The following ADGRL3 variants were observed in gnomAD, a reference collection of about 807,000 sequenced individuals.
ADGRL3 encodes adhesion G protein-coupled receptor L3.
A neutral mutation model predicts 153.5 loss-of-function variants in ADGRL3; 62 were observed. That is an observed-to-expected ratio of 0.40 (90% confidence interval 0.33 to 0.50). The LOEUF (loss-of-function observed/expected upper bound fraction) is 0.50. ADGRL3 is among the 20% of genes least tolerant of loss of function. The pLI is 0.47. For synonymous variants in ADGRL3, 710 were observed against 672.5 expected, an observed-to-expected ratio of 1.06 and a Z score of -0.86; for missense variants, 1,641 against 1,859.4, an observed-to-expected ratio of 0.88 and a Z score of 2.16.
rs1200447216 is a variant in ADGRL3 at position 61,847,613 on chromosome 4, A to G, written c.1480+33724A>G. Among the ~76,000 whole-genome samples, 7 of 46,480 alleles carry G rather than the reference A, an allele frequency of 1.5e-4. 1 individual carries two copies. The East Asian group carries it at 3.4e-3, about 23-fold the overall frequency. 30.5% of individuals were successfully genotyped at this position (46,480 alleles called of 152,430 possible). A position where few individuals can be genotyped will look rare whatever the true frequency, so the allele number is the denominator to read the frequency against. Reference sequence around the variant, plus strand: ...ATATATATATAATATATAATATATTATATATATAATATAAAATATATTATA... The same window carrying G: ...ATATATATATAATATATAATATATTGTATATATAATATAAAATATATTATA... On this transcript the variant is annotated intron_variant, in intron 9 of 26. Transcript: ENST00000683033.
intron 4 of ADGRL3, among the ~76,000 whole-genome samples, chr4:61,541,815 A>G (rs1384673492): frequency 6.9e-6 from 1 of 145,478 alleles, no homozygotes; most frequent in Non-Finnish European, 1.5e-5. Context: ...GAATTTTTTG[A>G]GCCTTAGATA....
At chr4:61,533,981 GTTGCAT>G (rs1222531974) in intron 4 of ADGRL3, among the ~76,000 whole-genome samples, 2 of 152,030 alleles carry the variant, frequency 1.3e-5, no homozygotes, top group African/African-American at 4.8e-5. Context: ...TTTTGATTTT[GTTGCAT>G]TTGCTTTTGA....
At chr4:61,988,502 A>C (rs1234932397) in intron 19 of ADGRL3, among the ~76,000 whole-genome samples, 3 of 152,164 alleles carry the variant, frequency 2.0e-5, no homozygotes, top group African/African-American at 7.2e-5. Context: ...AATTATAGCA[A>C]AGGCTGTCAT....
intron 2 of ADGRL3, among the ~76,000 whole-genome samples, chr4:61,432,571 TTC>T (rs142135862): frequency 0.48 from 7,757 of 16,128 alleles, 2,223 homozygotes; most frequent in Middle Eastern, 0.75. Context: ...TTTCTTTCTC[TTC>T]CTTTCTTTCT....
intron 9 of ADGRL3, among the ~76,000 whole-genome samples, chr4:61,819,707 A>G (rs1561303075): frequency 6.6e-6 from 1 of 152,116 alleles, no homozygotes; most frequent in Non-Finnish European, 1.5e-5. Context: ...TCAATCTAAC[A>G]ATGTGAACTC....
chr4:61,781,358 GA>G (rs1243107898), intron 8 of ADGRL3, among the ~76,000 whole-genome samples: 75 of 140,288 alleles, frequency 5.3e-4, no homozygotes, highest in African/African-American at 2.2e-3. Flanking sequence ...GAAAAGAAAA[GA>G]AAAAGAAAAA....
intron 7 of ADGRL3, among the ~76,000 whole-genome samples, chr4:61,731,629 C>A (rs1177742968): frequency 6.6e-6 from 1 of 152,092 alleles, no homozygotes; most frequent in Non-Finnish European, 1.5e-5. Context: ...TTTGCTCACC[C>A]TTCCCACTTC....
Position 61,278,648 on chromosome 4 carries a change from C to T in ADGRL3, c.-240+76883C>T, listed in dbSNP as rs147391523. Among the ~76,000 whole-genome samples, 1,419 of 152,136 alleles carry T rather than the reference C, an allele frequency of 9.3e-3. 12 individuals are homozygous for T. Among genetic ancestry groups the T allele is most frequent in the Non-Finnish European group, 0.014 (968 of 68,016 alleles). On this transcript the variant is annotated intron_variant, in intron 1 of 26. Coordinates refer to ENST00000683033, the MANE Select transcript of ADGRL3 (RefSeq NM_001387552.1). ...CCTCCTGAGTAGCTGGGACTACAGGCATGCACCATCATGCCCACTAATTTT... is the reference window on the plus strand; with the variant it reads ...CCTCCTGAGTAGCTGGGACTACAGGTATGCACCATCATGCCCACTAATTTT...
At chr4:61,373,022 T>A (rs936240611) in intron 1 of ADGRL3, among the ~76,000 whole-genome samples, 17 of 152,264 alleles carry the variant, frequency 1.1e-4, no homozygotes, top group African/African-American at 3.9e-4. Context: ...TTTCTTTGAT[T>A]AGGAAAGGGA....
At chr4:61,789,919 A>C (rs1475844727) in intron 8 of ADGRL3, among the ~76,000 whole-genome samples, 3 of 152,226 alleles carry the variant, frequency 2.0e-5, no homozygotes, top group African/African-American at 7.2e-5. Flanking sequence ...CCTGTTATTA[A>C]AAATAGAATA....
At chr4:61,366,829 A>C (rs2096406975) in intron 1 of ADGRL3, among the ~76,000 whole-genome samples, 1 of 152,134 alleles carries the variant, frequency 6.6e-6, no homozygotes, top group African/African-American at 2.4e-5. Flanking sequence ...CCTAATGTTG[A>C]TAATTGAATA....
At chr4:62,033,583 A>G (rs929991357) in intron 23 of ADGRL3, among the ~76,000 whole-genome samples, 1 of 151,708 alleles carries the variant, frequency 6.6e-6, no homozygotes, top group African/African-American at 2.4e-5. Flanking sequence ...CTAGATTTGG[A>G]TAGAAGAAAG....
chr4:61,234,583 A>G (rs1030391296), intron 1 of ADGRL3, among the ~76,000 whole-genome samples: 4 of 152,196 alleles, frequency 2.6e-5, no homozygotes, highest in Non-Finnish European at 4.4e-5. Context: ...GAGAACTCTG[A>G]TATTAGAGGA....
rs553391829 is a variant in ADGRL3 at position 61,766,500 on chromosome 4, A to G, written c.1399+32946A>G. Among the ~76,000 whole-genome samples the G allele has an allele frequency of 1.4e-4, 21 of 152,178 alleles. No individual in the cohort carries two copies. The South Asian group carries it at 2.7e-3, about 20-fold the overall frequency. On this transcript the variant is annotated intron_variant, in intron 8 of 26. Transcript: ENST00000683033. ...TCTGACCTCGCTAACCATGCCTAGG[A>G]AGGAAAGGAGTTGTTGTTTTGTAGA... is the stretch of plus-strand genomic sequence containing the variant.
At chr4:61,354,424 A>G (rs1216017234) in intron 1 of ADGRL3, among the ~76,000 whole-genome samples, 1 of 152,228 alleles carries the variant, frequency 6.6e-6, no homozygotes. Flanking sequence ...GGCAATACAA[A>G]TAATTACAGG....
chr4:61,335,142 T>C (rs1182545176), intron 1 of ADGRL3, among the ~76,000 whole-genome samples: 3 of 152,116 alleles, frequency 2.0e-5, no homozygotes, highest in Non-Finnish European at 2.9e-5. Context: ...AAATGTTGCG[T>C]TAATAGCTAG....
intron 8 of ADGRL3, among the ~76,000 whole-genome samples, chr4:61,766,564 C>G (rs563380168): frequency 6.6e-6 from 1 of 151,948 alleles, no homozygotes; most frequent in South Asian, 2.1e-4. Context: ...ACACGATTGG[C>G]AGGGAGAGCA....
chr4:61,947,019 C>G lies in ADGRL3; in HGVS notation c.2525C>G (p.Ser842Cys). ...ACGGAAGCTTTGTCCACAAATCATT[C>G]TGTTATTGTCAATTCCCCTGTTATT... ...LGTEALSTNH[S>C]VIVNSPVITA... is the part of the protein sequence containing the mutation. Residue 842 changes from serine to cysteine, a missense_variant, in exon 16 of 27, where the codon TCT becomes TGT. Physicochemically the swap from Ser to Cys is moderately radical, Grantham distance 112 (BLOSUM62 -1). This residue lies in a region of ADGRL3 where 734 missense variants were observed against 797.0 expected (regional missense o/e 0.92). Transcript: ENST00000683033. 1 of 1,613,698 alleles carries G rather than the reference C, an allele frequency of 6.2e-7. No individual in the cohort carries two copies. Among genetic ancestry groups the G allele is most frequent in the South Asian group, 1.1e-5 (1 of 91,074 alleles).
chr4:61,611,901 A>G (rs542295806), intron 5 of ADGRL3, among the ~76,000 whole-genome samples: 1 of 152,128 alleles, frequency 6.6e-6, no homozygotes. Context: ...GCTAGGTGAC[A>G]GAGTAAGATC....
Sources: allele counts gnomAD v4.1 joint callset (sites outside exome capture counted in the v4.1 genomes callset), GRCh38; gene constraint gnomAD v4.1.1; regional missense constraint gnomAD v4.1.1; transcripts MANE v1.5; gene names NCBI Gene and HGNC (gene_info 2026-07-23, HGNC 2026-07-21).